SUSD5: variants seen among roughly 807,000 people sequenced by gnomAD.
The protein encoded by SUSD5 is sushi domain-containing protein 5.
In SUSD5, 33 loss-of-function variants were observed where a neutral mutation model predicts 29.5. The ratio of observed to expected loss-of-function variants is 1.12; its 90% confidence interval spans 0.85 to 1.49. The LOEUF is 1.49. Among genes scored for constraint, SUSD5 ranks in the 40% most tolerant of loss-of-function variants. SUSD5 has a pLI of 0.00. For synonymous variants in SUSD5, 308 were observed against 325.3 expected (o/e 0.95, Z 0.57); for missense variants, 776 against 800.6 (o/e 0.97, Z 0.37).
At chr3:33,173,787 G>C (rs972748867) in intron 4 of SUSD5, among the ~76,000 whole-genome samples, 29 of 152,198 alleles carry the variant, frequency 1.9e-4, no homozygotes, top group African/African-American at 6.5e-4. Context: ...AGTGAGAGGA[G>C]CACTGTGAGA....
chr3:33,199,082 CATGCGCACTACTAAAAAAATCAAA>C (rs1347832235), intron 3 of SUSD5, among the ~76,000 whole-genome samples: 1 of 152,098 alleles, frequency 6.6e-6, no homozygotes, highest in Non-Finnish European at 1.5e-5. Flanking sequence ...TGCAATAATG[CATGCGCACTACTAAAAAAATCAAA>C]ATATACAAAA....
rs1040093686 is a variant in SUSD5 at position 33,204,757 on chromosome 3, C to T, written c.409+3051G>A. On this transcript the variant is annotated intron_variant, in intron 3 of 4. Coordinates refer to ENST00000309558, the MANE Select transcript of SUSD5 (RefSeq NM_015551.2). This position sits in a 1 kb window ranked among gnomAD's most constrained non-coding sequence, Gnocchi z 4.5. The stretch of plus-strand genomic sequence containing the variant: ...CTACCTCCCAGGTTAAAGCGATTCT[C>T]ATGCCTCAGCCTCCTGAGTGGCTAG... 2.1e-5 allele frequency among the ~76,000 whole-genome samples: 2 copies of T among 95,294 alleles called. No individual in the cohort carries two copies. The highest frequency in any genetic ancestry group is 4.7e-5 in the Non-Finnish European group (2 of 42,518). 62.5% of individuals were successfully genotyped at this position (95,294 alleles called of 152,430 possible).
At chr3:33,213,894 G>A in intron 2 of SUSD5, 34 bp downstream of exon 2, 7 of 1,560,682 alleles carry the variant, frequency 4.5e-6, no homozygotes, top group Non-Finnish European at 6.1e-6. Flanking sequence ...GTGCAACTGG[G>A]GTGAGTTGGA....
At chr3:33,208,385 T>A (rs190484615) in intron 2 of SUSD5, among the ~76,000 whole-genome samples, 1 of 152,180 alleles carries the variant, frequency 6.6e-6, no homozygotes, top group Non-Finnish European at 1.5e-5. Context: ...TCTAAATATA[T>A]GATAATTTCC....
intron 4 of SUSD5, among the ~76,000 whole-genome samples, chr3:33,155,082 G>A (rs903168330): frequency 1.3e-5 from 2 of 152,136 alleles, no homozygotes; most frequent in Non-Finnish European, 2.9e-5. Flanking sequence ...ACAGATAACT[G>A]GATTACATTA....
At chr3:33,192,947 A>G (rs1472183659) in intron 3 of SUSD5, among the ~76,000 whole-genome samples, 3 of 152,034 alleles carry the variant, frequency 2.0e-5, no homozygotes, top group African/African-American at 7.2e-5. Flanking sequence ...CTTACTATAC[A>G]CTTATGTATG....
At chr3:33,180,602 G>A (rs1211400215) in intron 3 of SUSD5, among the ~76,000 whole-genome samples, 1 of 152,080 alleles carries the variant, frequency 6.6e-6, no homozygotes, top group East Asian at 1.9e-4. Flanking sequence ...TGAAGCAGAT[G>A]GATCACTTAA....
chr3:33,192,245 T>G (rs1208598047), intron 3 of SUSD5, among the ~76,000 whole-genome samples: 3 of 144,278 alleles, frequency 2.1e-5, no homozygotes, highest in Non-Finnish European at 3.0e-5. Context: ...AGCTAATTTT[T>G]TTTCTTTTTT....
intron 4 of SUSD5, among the ~76,000 whole-genome samples, chr3:33,159,238 T>C (rs1417291662): frequency 6.6e-6 from 1 of 152,226 alleles, no homozygotes; most frequent in Non-Finnish European, 1.5e-5. Flanking sequence ...GACCACCATC[T>C]TGTCACCTCT....
At chr3:33,189,478 CAAAAAAAAAA>C (rs71630568) in intron 3 of SUSD5, among the ~76,000 whole-genome samples, 3 of 91,620 alleles carry the variant, frequency 3.3e-5, no homozygotes, top group African/African-American at 9.6e-5. Flanking sequence ...CTCTCCTTCT[CAAAAAAAAAA>C]AAAAAAAAAA....
At chr3:33,168,170 G>A (rs1257649323) in intron 4 of SUSD5, among the ~76,000 whole-genome samples, 1 of 152,162 alleles carries the variant, frequency 6.6e-6, no homozygotes, top group Non-Finnish European at 1.5e-5. Flanking sequence ...CCCAGTATCT[G>A]GGGTTCTCCC....
chr3:33,162,073 G>A (rs1246252263), intron 4 of SUSD5, among the ~76,000 whole-genome samples: 1 of 152,094 alleles, frequency 6.6e-6, no homozygotes, highest in East Asian at 1.9e-4. Flanking sequence ...GACCATAAAA[G>A]AAGTATCAAC....
chr3:33,195,753 A>AC (rs2031983239), intron 3 of SUSD5, among the ~76,000 whole-genome samples: 1 of 151,820 alleles, frequency 6.6e-6, no homozygotes, highest in African/African-American at 2.4e-5. Flanking sequence ...TGAAAAAAAA[A>AC]AAAACAGAAT....
At chr3:33,171,895 A>G (rs1018727376) in intron 4 of SUSD5, among the ~76,000 whole-genome samples, 1 of 152,042 alleles carries the variant, frequency 6.6e-6, no homozygotes, top group African/African-American at 2.4e-5. Flanking sequence ...TCCAGTCTCT[A>G]TCTCATCATC....
intron 3 of SUSD5, among the ~76,000 whole-genome samples, chr3:33,178,458 T>G (rs1196786632): frequency 7.0e-6 from 1 of 143,330 alleles, no homozygotes; most frequent in Non-Finnish European, 1.5e-5. Context: ...TGTTGTTTTG[T>G]TTTTTTTTGA....
chr3:33,159,868 C>T (rs1407136213), intron 4 of SUSD5, among the ~76,000 whole-genome samples: 1 of 152,092 alleles, frequency 6.6e-6, no homozygotes, highest in Non-Finnish European at 1.5e-5. Context: ...AACTAGTTAC[C>T]AAGAGGAGAA....
chr3:33,172,464 T>C (rs1346451768), intron 4 of SUSD5, among the ~76,000 whole-genome samples: 3 of 152,206 alleles, frequency 2.0e-5, no homozygotes, highest in African/African-American at 7.2e-5. Flanking sequence ...ATGGTGCAAC[T>C]TCAGCACCTC....
chr3:33,164,135 C>T (rs575086392), intron 4 of SUSD5, among the ~76,000 whole-genome samples: 16 of 152,036 alleles, frequency 1.1e-4, no homozygotes, highest in Middle Eastern at 3.4e-3. Flanking sequence ...GATCTTGCCA[C>T]GGCACTCCAG....
At chr3:33,196,350 A>G (rs2031996064) in intron 3 of SUSD5, among the ~76,000 whole-genome samples, 3 of 152,236 alleles carry the variant, frequency 2.0e-5, no homozygotes, top group Admixed American at 2.0e-4. Context: ...AGAAGCTAGC[A>G]GAGCTGGGAA....
Sources: gnomAD v4.1 joint callset for allele counts (sites outside exome capture counted in the v4.1 genomes callset) on GRCh38, gnomAD v4.1.1 for gene constraint, Gnocchi (gnomAD v3.1) non-coding constraint, MANE v1.5 for transcripts, NCBI Gene and HGNC (gene_info 2026-07-23, HGNC 2026-07-21) for gene names.